The following SYTL3 variants were observed in gnomAD, a reference collection of about 807,000 sequenced individuals.
SYTL3 encodes the protein synaptotagmin-like protein 3.
SYTL3 carries 88 observed loss-of-function variants against 82.1 expected under a neutral mutation model. The observed-to-expected ratio is 1.07, with a 90% CI of 0.90 to 1.28. The LOEUF (loss-of-function observed/expected upper bound fraction) is 1.28, where lower values mean the gene tolerates loss of function less well. Among genes scored for constraint, SYTL3 ranks in the 50% most tolerant of loss-of-function variants. The pLI is 0.00. For synonymous variants in SYTL3, 311 were observed against 289.4 expected, an observed-to-expected ratio of 1.07 and a Z score of -0.76; for missense variants, 831 against 757.6, an observed-to-expected ratio of 1.10 and a Z score of -1.14.
intron 2 of SYTL3, among the ~76,000 whole-genome samples, chr6:158,660,755 T>G (rs1789289300): frequency 6.6e-6 from 1 of 152,076 alleles, no homozygotes; most frequent in Admixed American, 6.6e-5. Context: ...TGCAGCCAGG[T>G]GCAAAAACTC....
chr6:158,680,121 C>G (rs1346148346), intron 5 of SYTL3, among the ~76,000 whole-genome samples: 1 of 152,120 alleles, frequency 6.6e-6, no homozygotes, highest in African/African-American at 2.4e-5. Context: ...AGGATTAGAC[C>G]TTGTTCTGTT....
chr6:158,751,930 A>G lies in SYTL3; in HGVS notation c.1037A>G (p.Tyr346Cys), dbSNP rs1387355312. ...TCCCCGCTGTGTTTGGCCCCTAGGT[A>G]TGTGAAGACCTACCTGTTGCCCGAC... ...GEEKKKKCNPYVKTYLLPDRS... is the reference protein window; with the variant it reads ...GEEKKKKCNPCVKTYLLPDRS... The change falls in exon 13 of 18, where the codon TAT becomes TGT. Residue 346 changes from tyrosine (Y) to cysteine (C), a missense_variant and splice_region_variant. Transcript: ENST00000611299. 3.1e-6 allele frequency: 5 copies of G among 1,595,458 alleles called. No homozygotes were observed. The highest frequency in any genetic ancestry group is 4.3e-6 in the Non-Finnish European group (5 of 1,171,694).
intron 6 of SYTL3, among the ~76,000 whole-genome samples, chr6:158,691,650 A>G (rs924767436): frequency 6.7e-6 from 1 of 150,188 alleles, no homozygotes. Flanking sequence ...ATTAATATTA[A>G]ACTTTTTTTT....
At position 158,663,318 on chromosome 6, in the gene SYTL3, C is replaced by T. The variant is rs1186475722; in HGVS notation, c.50C>T (p.Ala17Val). 6 of 1,614,078 alleles carry T rather than the reference C, an allele frequency of 3.7e-6. No homozygotes were observed. The highest frequency in any genetic ancestry group is 5.1e-6 in the Non-Finnish European group (6 of 1,180,024). ...LSALKELERE[A>V]ILQVLYRDQA... ...GCTCTCAAGGAGTTAGAACGCGAGGCCATTCTCCAGGTCCTGTACCGAGAC... is the reference window on the plus strand; with the variant it reads ...GCTCTCAAGGAGTTAGAACGCGAGGTCATTCTCCAGGTCCTGTACCGAGAC... Residue 17 changes from alanine (A) to valine (V), a missense_variant, in exon 4 of 18, where the codon GCC becomes GTC. Physicochemically the swap from Ala to Val is moderately conservative, Grantham distance 64. Transcript: ENST00000611299.
chr6:158,763,712 T>C (rs1790324139), intron 17 of SYTL3, among the ~76,000 whole-genome samples: 1 of 152,212 alleles, frequency 6.6e-6, no homozygotes. Flanking sequence ...TTAAATCAGA[T>C]TTAGATCTGC....
intron 11 of SYTL3, among the ~76,000 whole-genome samples, chr6:158,729,066 A>G (rs1380072148): frequency 2.0e-5 from 3 of 152,122 alleles, no homozygotes; most frequent in Non-Finnish European, 4.4e-5. Flanking sequence ...AAACAAATAA[A>G]CAAAAAACAT....
intron 11 of SYTL3, among the ~76,000 whole-genome samples, chr6:158,728,689 C>T (rs184952999): frequency 2.7e-4 from 41 of 150,766 alleles, no homozygotes; most frequent in Non-Finnish European, 5.0e-4. Flanking sequence ...GCCTGTAATC[C>T]CAGCACTTTG....
chr6:158,690,200 G>A (rs1779714017), intron 6 of SYTL3, among the ~76,000 whole-genome samples: 1 of 152,228 alleles, frequency 6.6e-6, no homozygotes, highest in African/African-American at 2.4e-5. Flanking sequence ...GCCAGATTTT[G>A]AATGTTTGAG....
chr6:158,708,301 T>A (rs764233688), intron 7 of SYTL3, 21 bp from the exon 8 acceptor site: 15 of 1,604,696 alleles, frequency 9.3e-6, no homozygotes, highest in Non-Finnish European at 1.3e-5. Context: ...CCATTTCTTA[T>A]GCCTGTGTTT....
intron 11 of SYTL3, chr6:158,726,302 G>GTT (rs1784712765): frequency 2.5e-6 from 1 of 401,018 alleles, no homozygotes; most frequent in Admixed American, 3.2e-5. Flanking sequence ...TGACACAGGC[G>GTT]TCTTCAGGTT....
chr6:158,670,961 C>T (rs560719350), intron 5 of SYTL3, among the ~76,000 whole-genome samples: 9 of 151,960 alleles, frequency 5.9e-5, no homozygotes, highest in Admixed American at 5.2e-4. Context: ...CACCACCAAG[C>T]CCGGCTAATT....
chr6:158,743,946 CCTCA>C (rs1414735976), intron 11 of SYTL3, among the ~76,000 whole-genome samples: 1 of 151,816 alleles, frequency 6.6e-6, no homozygotes, highest in Non-Finnish European at 1.5e-5. Flanking sequence ...TGAGATGGGG[CCTCA>C]CTCTGTCGCC....
chr6:158,717,206 G>A (rs147380507), intron 9 of SYTL3, among the ~76,000 whole-genome samples: 58 of 152,182 alleles, frequency 3.8e-4, no homozygotes, highest in Middle Eastern at 6.8e-3. Flanking sequence ...CCCAGGAGGC[G>A]GAGGTTGCAG....
In SYTL3 at chr6:158,725,620, T is replaced by C; in HGVS notation, c.838T>C (p.Ser280Pro). The C allele has an allele frequency of 6.2e-7, 1 of 1,614,004 alleles. No homozygotes were observed. Among genetic ancestry groups the C allele is most frequent in the East Asian group, 2.2e-5 (1 of 44,886 alleles). The change falls in exon 11 of 18, where the codon TCT (serine) becomes CCT (proline). Residue 280 changes from serine to proline, a missense_variant. Transcript: ENST00000611299. ...CAGTCCGGCACCCAGTACCATATTC[T>C]CTGGAGGTTTTAGACACGTGAGTCT... ...PSSPAPSTIF[S>P]GGFRHGSLIS...
At chr6:158,703,444 A>G (rs9457443) in intron 6 of SYTL3, among the ~76,000 whole-genome samples, 32,435 of 152,180 alleles carry the variant, frequency 0.21, 3,701 homozygotes, top group South Asian at 0.33. Flanking sequence ...TGAGCATCTC[A>G]CAGCTCCTTG....
intron 11 of SYTL3, among the ~76,000 whole-genome samples, chr6:158,730,228 A>G (rs1393569626): frequency 6.6e-6 from 1 of 152,204 alleles, no homozygotes; most frequent in African/African-American, 2.4e-5. Context: ...GTCAGGTTTT[A>G]GATTGTAAGG....
At chr6:158,753,862 A>G (rs943149008) in intron 13 of SYTL3, among the ~76,000 whole-genome samples, 1 of 151,790 alleles carries the variant, frequency 6.6e-6, no homozygotes, top group African/African-American at 2.4e-5. Context: ...TGAATATTTT[A>G]TAGTCCTGGG....
chr6:158,681,593 G>A (rs1218979830), intron 5 of SYTL3, among the ~76,000 whole-genome samples: 2 of 152,112 alleles, frequency 1.3e-5, no homozygotes, highest in African/African-American at 4.8e-5. Context: ...CAGGAGAATT[G>A]CTTGAACCCA....
intron 12 of SYTL3, 116 bp downstream of exon 12, chr6:158,745,774 G>T (rs1328356019): frequency 4.7e-6 from 4 of 845,986 alleles, no homozygotes; most frequent in Non-Finnish European, 7.0e-6. Flanking sequence ...AAATGAAAAG[G>T]CTTACTTCAA....
Sources: gnomAD v4.1 joint callset for allele counts (sites outside exome capture counted in the v4.1 genomes callset) on GRCh38, gnomAD v4.1.1 for gene constraint, MANE v1.5 for transcripts, NCBI Gene and HGNC (gene_info 2026-07-23, HGNC 2026-07-21) for gene names.